Variants in RB1CC1 observed in about 807,000 individuals in gnomAD.
The protein encoded by RB1CC1 is RB1-inducible coiled-coil protein 1.
In RB1CC1, 46 loss-of-function variants were observed where a neutral mutation model predicts 177.5. The ratio of observed to expected loss-of-function variants is 0.26; its 90% confidence interval spans 0.20 to 0.33. The LOEUF is 0.33. RB1CC1 is among the 10% of genes least tolerant of loss of function. The pLI is 1.00. For synonymous variants in RB1CC1, 666 were observed against 613.6 expected (o/e 1.09, Z -1.26); for missense variants, 1,703 against 1,816.3 (o/e 0.94, Z 1.13).
At chr8:52,713,548 G>A (rs1422418218) in intron 1 of RB1CC1, among the ~76,000 whole-genome samples, 1 of 152,212 alleles carries the variant, frequency 6.6e-6, no homozygotes, top group Non-Finnish European at 1.5e-5. Flanking sequence ...TCGGGACAAA[G>A]ACATCATCTC....
chr8:52,686,325 C>T (rs1854271872), intron 2 of RB1CC1, among the ~76,000 whole-genome samples: 3 of 152,232 alleles, frequency 2.0e-5, no homozygotes, highest in African/African-American at 7.2e-5. Flanking sequence ...AGGAGGATCA[C>T]TTGAGGCCAG....
At chr8:52,635,034 T>C (rs900394227) in intron 19 of RB1CC1, 66 bp from the exon 20 acceptor site, 7 of 1,407,236 alleles carry the variant, frequency 5.0e-6, no homozygotes, top group Admixed American at 4.5e-5. Context: ...TAAACAGTGA[T>C]TGTCAAAGTT....
In RB1CC1 at chr8:52,674,108, G is replaced by T. The variant is rs746874942; in HGVS notation, c.739C>A (p.Pro247Thr). ...AACAAAGATTCGTTAGTTGTTCTAG[G>T]CATATCAGGAGAGAGCACCAGTTCA... The part of the protein sequence containing the change: ...STELVLSPDM[P>T]RTTNESLLTS... The change falls in exon 7 of 24, where the codon CCT becomes ACT. Residue 247 changes from proline to threonine, a missense_variant. Transcript: ENST00000025008. The T allele has an allele frequency of 1.2e-6, 2 of 1,614,090 alleles. No homozygotes were observed. Among genetic ancestry groups the T allele is most frequent in the Non-Finnish European group, 1.7e-6 (2 of 1,180,000 alleles).
intron 1 of RB1CC1, among the ~76,000 whole-genome samples, chr8:52,697,793 T>G (rs1312701684): frequency 1.3e-5 from 2 of 152,234 alleles, no homozygotes; most frequent in African/African-American, 4.8e-5. Flanking sequence ...ACATTCAACA[T>G]TCATATTACA....
rs1440656411 is a variant in RB1CC1 at position 52,661,766 on chromosome 8, A to G, written c.1174-47T>C. On this transcript the variant is annotated intron_variant, in intron 8 of 23. Coordinates refer to ENST00000025008, the MANE Select transcript of RB1CC1 (RefSeq NM_014781.5). Reference sequence around the variant, plus strand: ...AAAGGACATTAATTTTGTTTCATGAAAGGTATGGACATTCAGTTAAGTGGA... The same window carrying G: ...AAAGGACATTAATTTTGTTTCATGAGAGGTATGGACATTCAGTTAAGTGGA... 6 of 1,415,396 alleles carry G rather than the reference A, an allele frequency of 4.2e-6. No homozygotes were observed. In the African/African-American group the frequency reaches 8.7e-5, roughly 21 times the overall value. The allele number at this position is 1,415,396 out of a possible 1,614,324, so 87.7% of individuals were successfully genotyped here.
At chr8:52,661,064 A>C in intron 10 of RB1CC1, 31 bp downstream of exon 10, 1 of 1,611,620 alleles carries the variant, frequency 6.2e-7, no homozygotes, top group Non-Finnish European at 8.5e-7. Flanking sequence ...TAAAGTTCAT[A>C]TACAGTTAAA....
chr8:52,634,089 C>T (rs916248744), intron 20 of RB1CC1, among the ~76,000 whole-genome samples: 19 of 152,106 alleles, frequency 1.2e-4, no homozygotes, highest in African/African-American at 4.3e-4. Context: ...CACACTTCAG[C>T]CTGGGCAACA....
chr8:52,627,402 T>C (rs1848473380), intron 22 of RB1CC1, among the ~76,000 whole-genome samples: 1 of 152,094 alleles, frequency 6.6e-6, no homozygotes, highest in African/African-American at 2.4e-5. Context: ...TTGTTGCGAG[T>C]CAGTCCAATT....
Position 52,657,693 on chromosome 8 carries a change from C to G in RB1CC1, c.2136G>C (p.Gln712His). 6.2e-7 allele frequency: 1 copy of G among 1,614,080 alleles called. No individual in the cohort carries two copies. The highest frequency in any genetic ancestry group is 8.5e-7 in the Non-Finnish European group (1 of 1,179,986). ...AGTCTAAAGAAACTTGGTGAATAGT[C>G]TGTTCTATGTTTGGATGGGGAATAG... ...FETIPHPNIE[Q>H]TIHQVSLDLD... Residue 712 changes from glutamine to histidine, a missense_variant, in exon 15 of 24, where the codon CAG (glutamine) becomes CAC (histidine). By Grantham distance (24) the Gln-to-His change is conservative (BLOSUM62 0). This residue lies in a region of RB1CC1 where 1,169 missense variants were observed against 1,184.7 expected (regional missense o/e 0.99). Coordinates refer to ENST00000025008, the MANE Select transcript of RB1CC1 (RefSeq NM_014781.5).
At chr8:52,648,625 T>C (rs1217751104) in intron 15 of RB1CC1, among the ~76,000 whole-genome samples, 2 of 152,132 alleles carry the variant, frequency 1.3e-5, no homozygotes, top group Admixed American at 1.3e-4. Context: ...CCCCAGTGGA[T>C]GCCTGAAACT....
chr8:52,713,897 G>T (rs1468952521), intron 1 of RB1CC1, among the ~76,000 whole-genome samples, 178 bp downstream of exon 1: 1 of 152,144 alleles, frequency 6.6e-6, no homozygotes, highest in East Asian at 1.9e-4. Flanking sequence ...AGCGGCCAGT[G>T]GGCAACACCT....
rs749604753 is a variant in RB1CC1 at position 52,685,506 on chromosome 8, CCT to C, written c.-39_-38del. ...TGAATTCTGTGAGCTTATACCTCACCCTCTGATACAGTTACTAGAAGAAACAA... is the reference window on the plus strand; with the variant it reads ...TGAATTCTGTGAGCTTATACCTCACCCTGATACAGTTACTAGAAGAAACAA... On this transcript the variant is annotated 5_prime_UTR_variant, in exon 3 of 24. Transcript: ENST00000025008. 70 of 1,271,574 alleles carry C rather than the reference CCT, an allele frequency of 5.5e-5. 1 individual carries two copies. The South Asian group carries it at 8.6e-4, about 16-fold the overall frequency. The allele number at this position is 1,271,574 out of a possible 1,614,324, so 78.8% of individuals were successfully genotyped here.
Position 52,684,506 on chromosome 8 carries a change from T to C in RB1CC1, c.72-493A>G, listed in dbSNP as rs188648117. Among the ~76,000 whole-genome samples, 126 of 152,344 alleles carry C rather than the reference T, an allele frequency of 8.3e-4. 1 individual carries two copies. Among genetic ancestry groups the C allele is most frequent in the Admixed American group, 1.6e-3 (24 of 15,302 alleles). ...TTCTGCATTGCCATAAAGTCTTTGCTATTATGGTCACTATAAAAATATAAA... is the reference window on the plus strand; with the variant it reads ...TTCTGCATTGCCATAAAGTCTTTGCCATTATGGTCACTATAAAAATATAAA... On this transcript the variant is annotated intron_variant, in intron 3 of 23. Transcript: ENST00000025008.
intron 8 of RB1CC1, among the ~76,000 whole-genome samples, chr8:52,662,045 C>T (rs1851680716): frequency 6.6e-6 from 1 of 152,006 alleles, no homozygotes; most frequent in Admixed American, 6.6e-5. Context: ...ATCGGTCAGT[C>T]ACAGCACAAA....
chr8:52,687,518 G>C (rs1309852113), intron 1 of RB1CC1, among the ~76,000 whole-genome samples: 1 of 152,136 alleles, frequency 6.6e-6, no homozygotes, highest in East Asian at 1.9e-4. Context: ...CGTTACTTAA[G>C]ATTATAACTC....
chr8:52,684,413 TA>T (rs1235265546), intron 3 of RB1CC1, among the ~76,000 whole-genome samples: 1 of 152,206 alleles, frequency 6.6e-6, no homozygotes, highest in Admixed American at 6.5e-5. Flanking sequence ...AAAAAATCCA[TA>T]ATTCAATTTT....
intron 7 of RB1CC1, among the ~76,000 whole-genome samples, chr8:52,670,506 A>G (rs1367508955): frequency 6.6e-6 from 1 of 152,152 alleles, no homozygotes; most frequent in African/African-American, 2.4e-5. Context: ...TGACCTTTAA[A>G]CCCACTCCCC....
rs1411419136 is a variant in RB1CC1 at position 52,623,414 on chromosome 8, TAA to T, written c.*366_*367del. 20 of 317,450 alleles carry T rather than the reference TAA, an allele frequency of 6.3e-5. No individual in the cohort carries two copies. The East Asian group carries it at 1.6e-3, about 25-fold the overall frequency. The allele number at this position is 317,450 out of a possible 1,614,324, so 19.7% of individuals were successfully genotyped here. The stretch of plus-strand genomic sequence containing the variant: ...TTCACAAAAGGACAAATGCTGGTAA[TAA>T]TAACATTTAACATCTAAGTTCAAGC... On this transcript the variant is annotated 3_prime_UTR_variant, in exon 24 of 24. Coordinates refer to ENST00000025008, the MANE Select transcript of RB1CC1 (RefSeq NM_014781.5).
At chr8:52,633,676 G>A (rs1848922251) in intron 20 of RB1CC1, among the ~76,000 whole-genome samples, 2 of 152,172 alleles carry the variant, frequency 1.3e-5, no homozygotes, top group African/African-American at 4.8e-5. Context: ...CTTGTAAACT[G>A]TAATTAATAG....
Sources: allele counts gnomAD v4.1 joint callset (sites outside exome capture counted in the v4.1 genomes callset), GRCh38; gene constraint gnomAD v4.1.1; regional missense constraint gnomAD v4.1.1; transcripts MANE v1.5; gene names NCBI Gene and HGNC (gene_info 2026-07-23, HGNC 2026-07-21).